Variants in ZNF723 observed in about 807,000 individuals in gnomAD.
The protein encoded by ZNF723 is zinc finger protein 723.
In ZNF723, 5 loss-of-function variants were observed where a neutral mutation model predicts 9.4. The ratio of observed to expected loss-of-function variants is 0.53; its 90% CI spans 0.28 to 1.12. The LOEUF is 1.12. Among genes scored for constraint, ZNF723 ranks in the 50% most tolerant of loss-of-function variants. ZNF723 has a pLI of 0.10. For synonymous variants in ZNF723, 158 were observed against 168.8 expected (o/e 0.94, Z 0.49); for missense variants, 450 against 501.5 (o/e 0.90, Z 0.98).
upstream of ZNF723, among the ~76,000 whole-genome samples, chr19:22,828,725 C>A (rs904039492): frequency 1.3e-5 from 2 of 152,044 alleles, no homozygotes; most frequent in African/African-American, 4.8e-5. Flanking sequence ...TCCAAACAGA[C>A]CAAACCAAAC....
intron 1 of ZNF723, among the ~76,000 whole-genome samples, chr19:22,847,757 C>T (rs563588507): frequency 1.3e-5 from 2 of 152,038 alleles, no homozygotes; most frequent in African/African-American, 2.4e-5. Flanking sequence ...GATCTTATTC[C>T]ACTCTTTTTT....
At position 22,838,760 on chromosome 19, in the gene ZNF723, T is replaced by A. The variant is rs145439006; in HGVS notation, c.3+6378T>A. Among the ~76,000 whole-genome samples the A allele has an allele frequency of 1.0e-2, 1,516 of 152,084 alleles. 22 individuals carry two copies. Among genetic ancestry groups the A allele is most frequent in the African/African-American group, 0.034 (1,406 of 41,518 alleles). ...TTTCTTCTTATTTTATTATTATTAT[T>A]TTTTGAGATGGAGTTTCACTCTTGT... On this transcript the variant is annotated intron_variant, in intron 1 of 3. Coordinates refer to ENST00000600766, the MANE Select transcript of ZNF723 (RefSeq NM_001349726.2).
chr19:22,843,304 A>T (rs1186857231), intron 1 of ZNF723, among the ~76,000 whole-genome samples: 1 of 152,190 alleles, frequency 6.6e-6, no homozygotes, highest in Admixed American at 6.5e-5. Context: ...ACATTTGAGG[A>T]TGTCCAGAGC....
the ZNF723 span, among the ~76,000 whole-genome samples, chr19:22,817,984 A>G: frequency 6.6e-6 from 1 of 152,286 alleles, no homozygotes; most frequent in African/African-American, 2.4e-5. Flanking sequence ...TGAATCTCAC[A>G]CTCAGATGCA....
the ZNF723 span, among the ~76,000 whole-genome samples, chr19:22,825,960 T>C: frequency 6.6e-6 from 1 of 152,262 alleles, no homozygotes; most frequent in Non-Finnish European, 1.5e-5. Context: ...GTCTAGCACC[T>C]GGGTGATGTG....
At chr19:22,827,442 T>TTTGTTTG (rs1555737917), upstream of ZNF723, among the ~76,000 whole-genome samples, 10 of 130,394 alleles carry the variant, frequency 7.7e-5, no homozygotes, top group Admixed American at 1.6e-4. Flanking sequence ...TTTTTTGTTT[T>TTTGTTTG]TTTGTTTGTT....
chr19:22,844,916 G>C (rs2145218125), intron 1 of ZNF723, among the ~76,000 whole-genome samples: 1 of 152,262 alleles, frequency 6.6e-6, no homozygotes, highest in Middle Eastern at 3.4e-3. Context: ...AGGAGATCGA[G>C]ACCATCCTGG....
the ZNF723 span, among the ~76,000 whole-genome samples, chr19:22,823,209 C>G: frequency 4.6e-5 from 7 of 152,318 alleles, no homozygotes; most frequent in African/African-American, 1.2e-4. Flanking sequence ...ATAAAGCCCT[C>G]AGGTGTCACC....
rs1269452971 is a variant in ZNF723 at position 22,832,499 on chromosome 19, G to A, written c.3+117G>A. On this transcript the variant is annotated intron_variant, in intron 1 of 3. Transcript: ENST00000600766. ...GTCAGCCCCACAATCTGCGCTCGGA[G>A]TTCTAGCCTGGCCCGGCCTCAGACA... 3.8e-5 allele frequency: 43 copies of A among 1,131,450 alleles called. No homozygotes were observed. The East Asian group carries it at 1.2e-3, about 31-fold the overall frequency. 70.1% of individuals were successfully genotyped at this position (1,131,450 alleles called of 1,614,324 possible).
chr19:22,854,247 G>A (rs1967439356), intron 3 of ZNF723, among the ~76,000 whole-genome samples: 1 of 151,920 alleles, frequency 6.6e-6, no homozygotes, highest in South Asian at 2.1e-4. Flanking sequence ...TTTTGACTTA[G>A]AATACATTTT....
the ZNF723 span, among the ~76,000 whole-genome samples, chr19:22,825,749 A>C: frequency 6.6e-6 from 1 of 152,062 alleles, no homozygotes; most frequent in Non-Finnish European, 1.5e-5. Context: ...GGTGAAGTGA[A>C]TATCCTCTCC....
At chr19:22,834,005 T>C (rs1421199073) in intron 1 of ZNF723, among the ~76,000 whole-genome samples, 1 of 131,818 alleles carries the variant, frequency 7.6e-6, no homozygotes, top group African/African-American at 2.9e-5. Context: ...AACCTCCGCC[T>C]CCCAGGCTCA....
intron 1 of ZNF723, among the ~76,000 whole-genome samples, chr19:22,846,158 TA>T (rs1286000441): frequency 2.0e-5 from 3 of 152,074 alleles, no homozygotes; most frequent in African/African-American, 7.2e-5. Flanking sequence ...TGATCTGCAG[TA>T]TTAAAAATGT....
upstream of ZNF723, chr19:22,832,203 G>A (rs1403588153): frequency 4.8e-6 from 3 of 624,712 alleles, no homozygotes; most frequent in East Asian, 4.6e-5. Flanking sequence ...GGCCTTAAAC[G>A]GCATCCATTC....
chr19:22,814,691 C>T, the ZNF723 span, among the ~76,000 whole-genome samples: 2 of 152,144 alleles, frequency 1.3e-5, no homozygotes, highest in African/African-American at 4.8e-5. Flanking sequence ...TTAATCTCAT[C>T]CCTAGACCTT....
Position 22,856,083 on chromosome 19 carries a change from C to G in ZNF723, c.227-1035C>G, listed in dbSNP as rs186621671. ...CAAGCAATTCTCCTGCCTCAGCCTC[C>G]TGAGTAGCTGGGACTACAGGTGCTT... On this transcript the variant is annotated intron_variant, in intron 3 of 3. Coordinates refer to ENST00000600766, the MANE Select transcript of ZNF723 (RefSeq NM_001349726.2). Among the ~76,000 whole-genome samples the G allele has an allele frequency of 2.6e-5, 4 of 152,212 alleles. No homozygotes were observed. The South Asian group carries it at 8.3e-4, about 32-fold the overall frequency.
chr19:22,820,164 A>C, the ZNF723 span, among the ~76,000 whole-genome samples: 1 of 151,952 alleles, frequency 6.6e-6, no homozygotes, highest in African/African-American at 2.4e-5. Context: ...TTTCTCTGCC[A>C]TGCTCACAGT....
Position 22,857,637 on chromosome 19 carries a change from G to T in ZNF723, c.746G>T (p.Arg249Ile). The change falls in exon 4 of 4, where the codon AGA becomes ATA. Residue 249 changes from arginine to isoleucine, a missense_variant. By Grantham distance (97) the Arg-to-Ile change is moderately conservative. Around this residue, in one of 5 missense-constraint regions of ZNF723, gnomAD observed 237 missense variants for 332.2 expected, o/e 0.71. Coordinates refer to ENST00000600766, the MANE Select transcript of ZNF723 (RefSeq NM_001349726.2). ...TCCTCAAGCCTTAATAATCATAAGAGAATTCATACTGGAGAGAAACCCTAC... is the reference window on the plus strand; with the variant it reads ...TCCTCAAGCCTTAATAATCATAAGATAATTCATACTGGAGAGAAACCCTAC... ...NVSSSLNNHK[R>I]IHTGEKPYKC... 1 of 1,276,318 alleles carries T rather than the reference G, an allele frequency of 7.8e-7. No homozygotes were observed. The highest frequency in any genetic ancestry group is 2.3e-5 in the East Asian group (1 of 43,254). 79.1% of individuals were successfully genotyped at this position (1,276,318 alleles called of 1,614,324 possible). A position where few individuals can be genotyped will look rare whatever the true frequency, so the allele number is the denominator to read the frequency against.
chr19:22,822,855 C>T, the ZNF723 span, among the ~76,000 whole-genome samples: 65 of 152,172 alleles, frequency 4.3e-4, no homozygotes, highest in Non-Finnish European at 2.2e-4. Flanking sequence ...GAGTGAGACT[C>T]CATCTCAAAA....
Sources: gnomAD v4.1 joint callset for allele counts (sites outside exome capture counted in the v4.1 genomes callset) on GRCh38, gnomAD v4.1.1 for gene constraint, gnomAD v4.1.1 regional missense constraint, MANE v1.5 for transcripts, NCBI Gene and HGNC (gene_info 2026-07-23, HGNC 2026-07-21) for gene names.